POLK: variants seen among roughly 807,000 people sequenced by gnomAD.
POLK encodes the protein DNA polymerase kappa.
A neutral mutation model predicts 94.0 loss-of-function variants in POLK; 76 were observed. The observed-to-expected ratio is 0.81, with a 90% CI of 0.67 to 0.98. The LOEUF is 0.98. POLK is among the 50% of genes least tolerant of loss of function. The pLI, the probability that POLK is intolerant of heterozygous loss-of-function variation, is 0.00. For synonymous variants in POLK, 349 were observed against 325.4 expected (o/e 1.07, Z -0.78); for missense variants, 954 against 1,010.1 (o/e 0.94, Z 0.75).
At chr5:75,576,865 A>G (rs766163460) in exon 6 of POLK, 1 of 1,569,466 alleles carries the variant, frequency 6.4e-7, no homozygotes, top group Non-Finnish European at 8.6e-7. Context: ...AAGCACTTAG[A>G]AGAAAGACAA....
intron 4 of POLK, among the ~76,000 whole-genome samples, chr5:75,571,573 G>A (rs759801954): frequency 1.4e-4 from 21 of 152,278 alleles, no homozygotes; most frequent in East Asian, 5.8e-4. Flanking sequence ...CTGGCACTTC[G>A]ACTGAGGAGA....
chr5:75,520,810 G>T (rs1768541190), intron 1 of POLK, among the ~76,000 whole-genome samples: 1 of 152,110 alleles, frequency 6.6e-6, no homozygotes, highest in Non-Finnish European at 1.5e-5. Flanking sequence ...TGGTGATGGT[G>T]AATTTTCTCA....
At chr5:75,517,915 T>G (rs2112525182) in intron 1 of POLK, among the ~76,000 whole-genome samples, 1 of 152,346 alleles carries the variant, frequency 6.6e-6, no homozygotes, top group South Asian at 2.1e-4. Context: ...TGGTTCTTGA[T>G]TCTGTTAATG....
intron 1 of POLK, among the ~76,000 whole-genome samples, chr5:75,543,996 G>A (rs1269517943): frequency 2.0e-5 from 3 of 152,022 alleles, no homozygotes; most frequent in Non-Finnish European, 2.9e-5. Flanking sequence ...ACTACACCTG[G>A]CTAATTTTTT....
chr5:75,583,136 C>G (rs1353966151), intron 7 of POLK, among the ~76,000 whole-genome samples, 157 bp from the exon 8 acceptor site: 1 of 152,026 alleles, frequency 6.6e-6, no homozygotes, highest in African/African-American at 2.4e-5. Flanking sequence ...ATAGCAAACC[C>G]TGGGGAGATA....
At position 75,535,559 on chromosome 5, in the gene POLK, TTC is replaced by T. The variant is rs369801969; in HGVS notation, c.-13-11439_-13-11438del. On this transcript the variant is annotated intron_variant, in intron 1 of 14. Transcript: ENST00000241436. The stretch of plus-strand genomic sequence containing the variant: ...AAATATGTTTTCCAAGTTGCTTACT[TTC>T]TCTCTCTCTCTTTTAGGGATGCAAA... 2.0e-3 allele frequency among the ~76,000 whole-genome samples: 304 copies of T among 152,220 alleles called. 2 individuals carry two copies. Among genetic ancestry groups the T allele is most frequent in the African/African-American group, 6.3e-3 (263 of 41,544 alleles).
At chr5:75,546,158 C>T (rs530169471) in intron 1 of POLK, among the ~76,000 whole-genome samples, 17 of 152,158 alleles carry the variant, frequency 1.1e-4, no homozygotes, top group African/African-American at 4.1e-4. Flanking sequence ...AAACTGGAAG[C>T]CTTACTAATA....
intron 1 of POLK, among the ~76,000 whole-genome samples, chr5:75,541,173 C>T (rs958806938): frequency 1.3e-5 from 2 of 151,976 alleles, no homozygotes; most frequent in African/African-American, 2.4e-5. Context: ...ATCCCAGCTG[C>T]CCAGCTACTC....
At chr5:75,577,681 C>T (rs763759040) in intron 6 of POLK, among the ~76,000 whole-genome samples, 5 of 152,286 alleles carry the variant, frequency 3.3e-5, no homozygotes, top group East Asian at 3.9e-4. Context: ...TTGCTTCAGA[C>T]GGGCCAGGCA....
downstream of POLK, among the ~76,000 whole-genome samples, chr5:75,604,244 A>G (rs1773364965): frequency 6.6e-6 from 1 of 152,062 alleles, no homozygotes; most frequent in Non-Finnish European, 1.5e-5. Flanking sequence ...ATGTTTTATT[A>G]TTATACTGTG....
rs748771114 is a variant in POLK at position 75,567,679 on chromosome 5, A to C, written c.256-1661A>C. The stretch of plus-strand genomic sequence containing the variant: ...TGACAATTTAGTATCTAATACAGTA[A>C]GTGCCATGCAAGAGCAGGAAAGCAA... On this transcript the variant is annotated intron_variant, in intron 3 of 14. Coordinates refer to ENST00000241436, the Ensembl canonical transcript of POLK. Among the ~76,000 whole-genome samples the C allele has an allele frequency of 2.6e-5, 4 of 152,238 alleles. No homozygotes were observed. In the East Asian group the frequency reaches 7.7e-4, roughly 29 times the overall value.
At chr5:75,572,428 A>T (rs967688147) in intron 4 of POLK, among the ~76,000 whole-genome samples, 3 of 152,106 alleles carry the variant, frequency 2.0e-5, no homozygotes, top group Non-Finnish European at 4.4e-5. Context: ...AATCCCAAAT[A>T]GACCAAATTC....
At chr5:75,531,059 G>A (rs913168406) in intron 1 of POLK, among the ~76,000 whole-genome samples, 3 of 151,408 alleles carry the variant, frequency 2.0e-5, no homozygotes, top group East Asian at 3.9e-4. Flanking sequence ...CTCCTGCCTC[G>A]GCCTCCCAAA....
chr5:75,534,898 A>G (rs1233458579), intron 1 of POLK: 2 of 152,216 alleles, frequency 1.3e-5, no homozygotes, highest in Non-Finnish European at 2.9e-5. Flanking sequence ...TGAAGACAGC[A>G]TACCATTGGA....
intron 1 of POLK, among the ~76,000 whole-genome samples, chr5:75,515,917 A>T (rs1254259061): frequency 6.6e-6 from 1 of 152,208 alleles, no homozygotes; most frequent in Non-Finnish European, 1.5e-5. Context: ...ATTTTTTTTA[A>T]GCCATTTTGA....
chr5:75,517,324 T>C (rs1768368313), intron 1 of POLK, among the ~76,000 whole-genome samples: 1 of 152,186 alleles, frequency 6.6e-6, no homozygotes, highest in African/African-American at 2.4e-5. Context: ...TCATCAGTGT[T>C]TTATAGTTTT....
chr5:75,524,218 A>G (rs1036613759), intron 1 of POLK, among the ~76,000 whole-genome samples: 4 of 152,170 alleles, frequency 2.6e-5, no homozygotes, highest in Non-Finnish European at 5.9e-5. Context: ...CATAGAGAAT[A>G]TGAGAACCTG....
chr5:75,519,042 C>T (rs1210693130), intron 1 of POLK, among the ~76,000 whole-genome samples: 2 of 152,108 alleles, frequency 1.3e-5, no homozygotes, highest in Non-Finnish European at 2.9e-5. Flanking sequence ...CCCAGGCTGG[C>T]CTCAAACTCT....
chr5:75,578,098 C>A (rs1772000084), intron 6 of POLK, among the ~76,000 whole-genome samples: 2 of 152,118 alleles, frequency 1.3e-5, no homozygotes, highest in South Asian at 4.1e-4. Context: ...CAATTACTTG[C>A]ATGATGTGTT....
Sources: allele counts gnomAD v4.1 joint callset (sites outside exome capture counted in the v4.1 genomes callset), GRCh38; gene constraint gnomAD v4.1.1; transcripts MANE v1.5; gene names NCBI Gene and HGNC (gene_info 2026-07-23, HGNC 2026-07-21).